DDX54: variants seen among roughly 807,000 people sequenced by gnomAD.
DDX54 encodes ATP-dependent RNA helicase DDX54.
A neutral mutation model predicts 105.5 loss-of-function variants in DDX54; 67 were observed. The observed-to-expected ratio is 0.64, with a 90% CI of 0.52 to 0.78. DDX54 has a LOEUF of 0.78. Among genes scored for constraint, DDX54 ranks in the 30% least tolerant of loss-of-function variants. The pLI, the probability that DDX54 is intolerant of heterozygous loss-of-function variation, is 0.00. For synonymous variants in DDX54, 514 were observed against 509.9 expected, an observed-to-expected ratio of 1.01 and a Z score of -0.11; for missense variants, 1,206 against 1,230.5, an observed-to-expected ratio of 0.98 and a Z score of 0.30.
In DDX54 at chr12:113,158,683, C is replaced by T; in HGVS notation, c.*194G>A. On this transcript the variant is annotated 3_prime_UTR_variant, in exon 20 of 20. Transcript: ENST00000306014. This position sits in a 1 kb window ranked among gnomAD's most constrained non-coding sequence, Gnocchi z 4.9. Reference sequence around the variant, plus strand: ...CCTGCACACCCTTCAAGGCCCTGTTCAAATGTCTCTGTCTTAGGCTGACGC... The same window carrying T: ...CCTGCACACCCTTCAAGGCCCTGTTTAAATGTCTCTGTCTTAGGCTGACGC... 1.5e-6 allele frequency: 1 copy of T among 649,764 alleles called. No individual in the cohort carries two copies. The allele number at this position is 649,764 out of a possible 1,614,324, so 40.2% of individuals were successfully genotyped here.
At chr12:113,169,749 C>T (rs777449813) in intron 12 of DDX54, 21 bp downstream of exon 12, 5 of 1,612,244 alleles carry the variant, frequency 3.1e-6, no homozygotes, top group Non-Finnish European at 4.2e-6. Flanking sequence ...GGACCCCTAT[C>T]CCCACCCAGC....
At position 113,164,173 on chromosome 12, in the gene DDX54, C is replaced by T. The variant is rs777276705; in HGVS notation, c.1832G>A (p.Arg611Gln). Residue 611 changes from arginine to glutamine, a missense_variant, in exon 15 of 20, where the codon CGG becomes CAG. This residue lies in a region of DDX54 where 961 missense variants were observed against 1,019.1 expected (regional missense o/e 0.94). Coordinates refer to ENST00000306014, the MANE Select transcript of DDX54 (RefSeq NM_024072.4). ...CACTGGGCCCTCCTGCTGCTCCTGC[C>T]GCCCCTGCTGTCCCTGCTGGAAGCG... ...IARFQQGQQG[R>Q]QEQQEGPVGP... 3.2e-5 allele frequency: 50 copies of T among 1,559,534 alleles called. No homozygotes were observed. The highest frequency in any genetic ancestry group is 8.2e-5 in the South Asian group (7 of 85,004).
intron 2 of DDX54, 84 bp downstream of exon 2, chr12:113,180,845 G>A (rs775058907): frequency 2.8e-5 from 44 of 1,591,250 alleles, no homozygotes; most frequent in Non-Finnish European, 3.5e-5. Flanking sequence ...TGGGCCCAGA[G>A]TGGACATCAG....
At chr12:113,168,286 G>A (rs189403602) in intron 12 of DDX54, among the ~76,000 whole-genome samples, 5 of 152,324 alleles carry the variant, frequency 3.3e-5, no homozygotes, top group Admixed American at 2.6e-4. Context: ...GAGGGGGCCC[G>A]GAGCTCTGAG....
chr12:113,181,135 G>A, intron 1 of DDX54, 77 bp from the exon 2 acceptor site: 9 of 1,494,762 alleles, frequency 6.0e-6, no homozygotes, highest in Non-Finnish European at 6.2e-6. Flanking sequence ...GGCCTGTGCT[G>A]TTGCCCTCTC....
Position 113,164,059 on chromosome 12 carries a change from A to C in DDX54, c.1938+8T>G. On this transcript the variant is annotated splice_region_variant and intron_variant, in intron 15 of 19. Transcript: ENST00000306014. ...CCAGGTCCAGGGTCCCCAGGGTGGA[A>C]CCTGTACCTCCACACTCTCTCCCGC... 2 of 1,542,632 alleles carry C rather than the reference A, an allele frequency of 1.3e-6. No individual in the cohort carries two copies. Among genetic ancestry groups the C allele is most frequent in the Non-Finnish European group, 1.8e-6 (2 of 1,141,034 alleles).
chr12:113,158,024 T>C lies in DDX54; in HGVS notation c.*853A>G, dbSNP rs1952155595. 3.6e-6 allele frequency: 1 copy of C among 277,792 alleles called. No individual in the cohort carries two copies. Among genetic ancestry groups the C allele is most frequent in the African/African-American group, 2.1e-5 (1 of 46,870 alleles). The allele number at this position is 277,792 out of a possible 1,614,324, so 17.2% of individuals were successfully genotyped here. A position where few individuals can be genotyped will look rare whatever the true frequency, so the allele number is the denominator to read the frequency against. ...GTCTCAGAACAGGGTCCATGCTAGA[T>C]GAGAGATCACCAAGGCCCCCTCCAC... On this transcript the variant is annotated 3_prime_UTR_variant, in exon 20 of 20. Coordinates refer to ENST00000306014, the MANE Select transcript of DDX54 (RefSeq NM_024072.4). The surrounding 1 kb of genome is among the most constrained non-coding windows in gnomAD (Gnocchi z 4.9).
At chr12:113,161,443 A>C in intron 18 of DDX54, 61 bp from the exon 19 acceptor site, 1 of 1,322,376 alleles carries the variant, frequency 7.6e-7, no homozygotes, top group South Asian at 1.3e-5. Flanking sequence ...GCTCCTCCCC[A>C]CACTGCCCCA....
At chr12:113,159,863 C>T (rs1404593765) in intron 19 of DDX54, among the ~76,000 whole-genome samples, 2 of 152,122 alleles carry the variant, frequency 1.3e-5, no homozygotes, top group Non-Finnish European at 2.9e-5. Flanking sequence ...CTGTGTCCTC[C>T]TCCTCCTCTT....
rs1438104753 is a variant in DDX54, at chr12:113,161,377, T to C, written c.2306A>G (p.Gln769Arg). 1.9e-6 allele frequency: 3 copies of C among 1,612,036 alleles called. No individual in the cohort carries two copies. Among genetic ancestry groups the C allele is most frequent in the African/African-American group, 2.7e-5 (2 of 74,894 alleles). The stretch of plus-strand genomic sequence containing the variant: ...AATTTTCTGTTTCTGTTTCCACTTC[T>C]GATAGCTGGGAAACCTCGTTAAGGA... ...ISSSYKRDLY[Q>R]KWKQKQKIDD... Residue 769 changes from glutamine to arginine, a missense_variant, in exon 19 of 20, where the codon CAG (glutamine) becomes CGG (arginine). By Grantham distance (43) the Gln-to-Arg change is conservative (BLOSUM62 1). Around this residue, in one of 3 missense-constraint regions of DDX54, gnomAD observed 961 missense variants for 1,019.1 expected, o/e 0.94. Transcript: ENST00000306014.
chr12:113,162,289 C>G (rs1005366876), intron 17 of DDX54, among the ~76,000 whole-genome samples: 2 of 152,200 alleles, frequency 1.3e-5, no homozygotes, highest in Non-Finnish European at 2.9e-5. Context: ...TTCCAATCCC[C>G]TCCCCCTACC....
In DDX54 at chr12:113,163,533, C is replaced by T. The variant is rs531152140; in HGVS notation, c.1939-259G>A. Among the ~76,000 whole-genome samples the T allele has an allele frequency of 2.0e-4, 30 of 152,252 alleles. No homozygotes were observed. Among genetic ancestry groups the T allele is most frequent in the African/African-American group, 6.0e-4 (25 of 41,544 alleles). ...GCTGGGTGAGGAGGAGAGTGCCGGC[C>T]GAGGGAGACCCAACTCCCCATTCCA... On this transcript the variant is annotated intron_variant, in intron 15 of 19. Transcript: ENST00000306014. This position sits in a 1 kb window ranked among gnomAD's most constrained non-coding sequence, Gnocchi z 5.9.
rs751038165 is a variant in DDX54 at position 113,172,592 on chromosome 12, GAGA to G, written c.1069-32_1069-30del. The G allele has an allele frequency of 2.6e-5, 42 of 1,610,270 alleles. No homozygotes were observed. The African/African-American group carries it at 5.1e-4, about 19-fold the overall frequency. ...CTCAGAGCAAAGATGGTAGCAAAGT[GAGA>G]AGGAGACTTGGAGGAGAAAGGAAAG... is the stretch of plus-strand genomic sequence containing the variant. On this transcript the variant is annotated intron_variant, in intron 10 of 19. Coordinates refer to ENST00000306014, the MANE Select transcript of DDX54 (RefSeq NM_024072.4).
chr12:113,185,321 C>T lies in DDX54; in HGVS notation c.131G>A (p.Gly44Asp), dbSNP rs554240542. The change falls in exon 1 of 20, where the codon GGC becomes GAC. Residue 44 changes from glycine to aspartate, a missense_variant. Physicochemically the swap from Gly to Asp is moderately conservative, Grantham distance 94. Transcript: ENST00000306014. ...SQARGSDSED[G>D]EFEIQAEDDA... is the part of the protein sequence containing the mutation. ...ATCTTCCGCCTGGATCTCAAACTCGCCGTCCTCCGAGTCGCTGCCGCGGGC... is the reference window on the plus strand; with the variant it reads ...ATCTTCCGCCTGGATCTCAAACTCGTCGTCCTCCGAGTCGCTGCCGCGGGC... The T allele has an allele frequency of 3.1e-6, 5 of 1,587,788 alleles. No homozygotes were observed. Among genetic ancestry groups the T allele is most frequent in the East Asian group, 2.3e-5 (1 of 42,924 alleles).
At position 113,185,341 on chromosome 12, in the gene DDX54, G is replaced by T. The variant is rs375765621; in HGVS notation, c.111C>A (p.Arg37=). 4.3e-5 allele frequency: 68 copies of T among 1,585,686 alleles called. No homozygotes were observed. Among genetic ancestry groups the T allele is most frequent in the Non-Finnish European group, 5.7e-5 (67 of 1,169,504 alleles). The change falls in exon 1 of 20, where the codon CGC becomes CGA. Residue 37 remains arginine, a synonymous_variant. Coordinates refer to ENST00000306014, the MANE Select transcript of DDX54 (RefSeq NM_024072.4). ...ACTCGCCGTCCTCCGAGTCGCTGCC[G>T]CGGGCCTGGGAGGCCGCGCCTCGGC... is the stretch of plus-strand genomic sequence containing the variant. ...RKRRGAASQA[R]GSDSEDGEFE...
In DDX54 at chr12:113,163,394, A is replaced by G. The variant is rs145703412; in HGVS notation, c.1939-120T>C. 7.2e-4 allele frequency: 1,023 copies of G among 1,427,340 alleles called. 10 individuals are homozygous for G. The African/African-American group carries it at 0.013, about 18-fold the overall frequency. 88.4% of individuals were successfully genotyped at this position (1,427,340 alleles called of 1,614,324 possible). A position where few individuals can be genotyped will look rare whatever the true frequency, so the allele number is the denominator to read the frequency against. On this transcript the variant is annotated intron_variant, in intron 15 of 19. Transcript: ENST00000306014. This position sits in a 1 kb window ranked among gnomAD's most constrained non-coding sequence, Gnocchi z 5.9. The stretch of plus-strand genomic sequence containing the variant: ...GCCAGTGGCTTCTCGGGGACTTTCA[A>G]AGCTTCATTTTGCCATTTCTTAGCT...
chr12:113,161,886 A>G lies in DDX54; in HGVS notation c.2300+7T>C. On this transcript the variant is annotated splice_region_variant and intron_variant, in intron 18 of 19. Coordinates refer to ENST00000306014, the MANE Select transcript of DDX54 (RefSeq NM_024072.4). The stretch of plus-strand genomic sequence containing the variant: ...CCGCCCCTCCCCAGCCACGCCCCTC[A>G]GGATACAGGTCTCGCTTGTAGGAGC... 3.4e-6 allele frequency: 5 copies of G among 1,479,892 alleles called. No individual in the cohort carries two copies. The highest frequency in any genetic ancestry group is 4.5e-6 in the Non-Finnish European group (5 of 1,099,502). 91.7% of individuals were successfully genotyped at this position (1,479,892 alleles called of 1,614,324 possible). A position where few individuals can be genotyped will look rare whatever the true frequency, so the allele number is the denominator to read the frequency against.
In DDX54 at chr12:113,161,395, G is replaced by A; in HGVS notation, c.2301-13C>T. 1.2e-6 allele frequency: 2 copies of A among 1,604,984 alleles called. No homozygotes were observed. The highest frequency in any genetic ancestry group is 1.7e-6 in the Non-Finnish European group (2 of 1,173,908). On this transcript the variant is annotated splice_polypyrimidine_tract_variant and intron_variant, in intron 18 of 19. Coordinates refer to ENST00000306014, the MANE Select transcript of DDX54 (RefSeq NM_024072.4). Reference sequence around the variant, plus strand: ...CCACTTCTGATAGCTGGGAAACCTCGTTAAGGAAGCTGCGTGAAGCCCCTG... The same window carrying A: ...CCACTTCTGATAGCTGGGAAACCTCATTAAGGAAGCTGCGTGAAGCCCCTG...
rs114485456 is a variant in DDX54, at chr12:113,179,450, G to A, written c.376-119C>T. 361 of 1,144,162 alleles carry A rather than the reference G, an allele frequency of 3.2e-4. No individual in the cohort carries two copies. In the African/African-American group the frequency reaches 4.4e-3, roughly 14 times the overall value. 70.9% of individuals were successfully genotyped at this position (1,144,162 alleles called of 1,614,324 possible). A position where few individuals can be genotyped will look rare whatever the true frequency, so the allele number is the denominator to read the frequency against. On this transcript the variant is annotated intron_variant, in intron 3 of 19. Coordinates refer to ENST00000306014, the MANE Select transcript of DDX54 (RefSeq NM_024072.4). ...GATCTCAGTGAATGGGCAGGCACCC[G>A]TCACCCAGCCCTGAGCCTATTCTTG...
Sources: gnomAD v4.1 joint callset for allele counts (sites outside exome capture counted in the v4.1 genomes callset) on GRCh38, gnomAD v4.1.1 for gene constraint, gnomAD v4.1.1 regional missense constraint, Gnocchi (gnomAD v3.1) non-coding constraint, MANE v1.5 for transcripts, NCBI Gene and HGNC (gene_info 2026-07-23, HGNC 2026-07-21) for gene names.